The following GPR158 variants were observed in gnomAD, a reference collection of about 807,000 sequenced individuals.
The protein encoded by GPR158 is metabotropic glycine receptor.
GPR158 carries 30 observed loss-of-function variants against 78.2 expected under a neutral mutation model. The ratio of observed to expected loss-of-function variants is 0.38; its 90% CI spans 0.29 to 0.52. The LOEUF (loss-of-function observed/expected upper bound fraction) is 0.52. GPR158 is among the 20% of genes least tolerant of loss of function. GPR158 has a pLI of 0.83. For synonymous variants in GPR158, 581 were observed against 591.1 expected (o/e 0.98, Z 0.25); for missense variants, 1,463 against 1,523.5 (o/e 0.96, Z 0.66).
At chr10:25,259,390 T>C (rs1234148377) in intron 2 of GPR158, among the ~76,000 whole-genome samples, 1 of 152,196 alleles carries the variant, frequency 6.6e-6, no homozygotes, top group Non-Finnish European at 1.5e-5. Context: ...TTCCCACTGA[T>C]GTTCAGTGCC....
At chr10:25,177,172 G>A (rs919226867) in intron 1 of GPR158, among the ~76,000 whole-genome samples, 2 of 152,338 alleles carry the variant, frequency 1.3e-5, no homozygotes, top group East Asian at 3.9e-4. Flanking sequence ...TGTACTTCCT[G>A]TCTCAAACTA....
intron 2 of GPR158, among the ~76,000 whole-genome samples, chr10:25,338,296 A>G (rs1855239243): frequency 6.7e-6 from 1 of 149,624 alleles, no homozygotes; most frequent in Admixed American, 6.7e-5. Flanking sequence ...GTAGGGGTAA[A>G]AACACATTTA....
intron 1 of GPR158, among the ~76,000 whole-genome samples, chr10:25,189,397 C>A (rs1002708467): frequency 6.6e-6 from 1 of 152,034 alleles, no homozygotes; most frequent in African/African-American, 2.4e-5. Flanking sequence ...AAATGTCCAT[C>A]GATGATAGAC....
At chr10:25,302,434 T>C (rs1854613070) in intron 2 of GPR158, among the ~76,000 whole-genome samples, 1 of 152,118 alleles carries the variant, frequency 6.6e-6, no homozygotes, top group Admixed American at 6.5e-5. Context: ...GCCCAAGATG[T>C]TTCCTAAGCC....
intron 4 of GPR158, among the ~76,000 whole-genome samples, chr10:25,430,009 AG>A (rs1442269784): frequency 5.8e-4 from 83 of 142,584 alleles, no homozygotes; most frequent in Non-Finnish European, 1.0e-3. Flanking sequence ...AGTTCTGGCC[AG>A]GGCAATCAGG....
At chr10:25,583,041 C>G (rs1330615790) in intron 7 of GPR158, among the ~76,000 whole-genome samples, 3 of 152,168 alleles carry the variant, frequency 2.0e-5, no homozygotes, top group Non-Finnish European at 4.4e-5. Context: ...CTAAGAGACT[C>G]GGATTCTAGG....
At chr10:25,324,119 G>T (rs745757267) in intron 2 of GPR158, among the ~76,000 whole-genome samples, 4 of 152,126 alleles carry the variant, frequency 2.6e-5, no homozygotes, top group Non-Finnish European at 1.5e-5. Flanking sequence ...CTTCTTATTT[G>T]TGTGTTTACT....
intron 2 of GPR158, among the ~76,000 whole-genome samples, chr10:25,263,364 T>C (rs1350334026): frequency 6.6e-6 from 1 of 152,216 alleles, no homozygotes; most frequent in East Asian, 1.9e-4. Context: ...GTCTATTCCA[T>C]GACATTTATA....
chr10:25,232,391 T>C (rs1398986852), intron 2 of GPR158, among the ~76,000 whole-genome samples: 1 of 152,216 alleles, frequency 6.6e-6, no homozygotes. Flanking sequence ...AAGCTTTCAG[T>C]GAGAAATGAG....
At chr10:25,398,426 A>C (rs1834397141) in intron 3 of GPR158, among the ~76,000 whole-genome samples, 1 of 152,180 alleles carries the variant, frequency 6.6e-6, no homozygotes, top group Non-Finnish European at 1.5e-5. Context: ...CAACACTGAA[A>C]GATTAAGGGA....
chr10:25,454,224 T>G (rs1406625901), intron 4 of GPR158, among the ~76,000 whole-genome samples: 1 of 30,968 alleles, frequency 3.2e-5, no homozygotes, highest in Admixed American at 3.3e-4. Context: ...GATAGTTTGT[T>G]GTTGATGTAT....
At chr10:25,446,537 T>C (rs571561954) in intron 4 of GPR158, among the ~76,000 whole-genome samples, 88 of 152,366 alleles carry the variant, frequency 5.8e-4, no homozygotes, top group Admixed American at 1.7e-3. Context: ...GAGTATACTT[T>C]GTCCATGGCT....
At chr10:25,261,716 C>A (rs1001043444) in intron 2 of GPR158, among the ~76,000 whole-genome samples, 2 of 152,120 alleles carry the variant, frequency 1.3e-5, no homozygotes, top group Non-Finnish European at 2.9e-5. Flanking sequence ...CTCAGAGAAG[C>A]ACTCTGTTTT....
chr10:25,568,819 A>T (rs12242820), intron 6 of GPR158, among the ~76,000 whole-genome samples: 4 of 152,094 alleles, frequency 2.6e-5, no homozygotes, highest in Admixed American at 6.6e-5. Flanking sequence ...CTTCCCATAT[A>T]TGTTGGGCTT....
At position 25,176,404 on chromosome 10, in the gene GPR158, G is replaced by A. The variant is rs1208706663; in HGVS notation, c.902+82G>A. On this transcript the variant is annotated intron_variant, in intron 1 of 10. Coordinates refer to ENST00000376351, the MANE Select transcript of GPR158 (RefSeq NM_020752.3). The surrounding 1 kb of genome is among the most constrained non-coding windows in gnomAD (Gnocchi z 6.3). ...TGTGGGTGGGTGCACGTGTGAGGAA[G>A]GAACCCTTGGCTGTGACGCGAACGC... 2 of 1,082,632 alleles carry A rather than the reference G, an allele frequency of 1.8e-6. No individual in the cohort carries two copies. The highest frequency in any genetic ancestry group is 2.7e-5 in the Admixed American group (1 of 36,534). The allele number at this position is 1,082,632 out of a possible 1,614,324, so 67.1% of individuals were successfully genotyped here. A position where few individuals can be genotyped will look rare whatever the true frequency, so the allele number is the denominator to read the frequency against.
chr10:25,511,748 C>T (rs1836088911), intron 5 of GPR158, among the ~76,000 whole-genome samples: 2 of 152,020 alleles, frequency 1.3e-5, no homozygotes, highest in East Asian at 1.9e-4. Context: ...TTTTTCTACA[C>T]GTGGCTTGCC....
chr10:25,181,034 G>T (rs542318483), intron 1 of GPR158, among the ~76,000 whole-genome samples: 75 of 152,154 alleles, frequency 4.9e-4, no homozygotes, highest in Non-Finnish European at 4.0e-4. Flanking sequence ...ACCTCCTTCA[G>T]TGATTCTATT....
At chr10:25,265,914 C>T (rs940937319) in intron 2 of GPR158, among the ~76,000 whole-genome samples, 3 of 152,150 alleles carry the variant, frequency 2.0e-5, no homozygotes, top group Admixed American at 6.5e-5. Context: ...CTGATGTTAC[C>T]ACCCGCCTGC....
chr10:25,358,172 G>A (rs1397292340), intron 2 of GPR158, among the ~76,000 whole-genome samples: 1 of 152,048 alleles, frequency 6.6e-6, no homozygotes, highest in African/African-American at 2.4e-5. Flanking sequence ...TACCCCCATT[G>A]TATCAAGCAA....
Sources: allele counts gnomAD v4.1 joint callset (sites outside exome capture counted in the v4.1 genomes callset), GRCh38; gene constraint gnomAD v4.1.1; non-coding constraint Gnocchi (gnomAD v3.1); transcripts MANE v1.5; gene names NCBI Gene and HGNC (gene_info 2026-07-23, HGNC 2026-07-21).